Variants in MYO3B observed in about 807,000 individuals in gnomAD.
The protein encoded by MYO3B is myosin-IIIb.
Under a neutral mutation model 174.6 loss-of-function variants are expected in MYO3B, and 156 were observed. That is an observed-to-expected ratio of 0.89 (90% CI 0.78 to 1.02). The LOEUF (loss-of-function observed/expected upper bound fraction) is 1.02. MYO3B is among the 50% of genes least tolerant of loss of function. MYO3B has a pLI of 0.00. For missense variants in MYO3B, 1,632 were observed against 1,639.4 expected (o/e 1.00, Z 0.08); for synonymous variants, 563 against 569.1 (o/e 0.99, Z 0.15).
intron 32 of MYO3B, among the ~76,000 whole-genome samples, chr2:170,599,515 G>A (rs765511672): frequency 2.0e-5 from 3 of 152,222 alleles, no homozygotes; most frequent in Non-Finnish European, 4.4e-5. Flanking sequence ...GGGAGGCCAA[G>A]GCAGGCGGAT....
At chr2:170,353,057 A>G (rs1297352524) in intron 8 of MYO3B, among the ~76,000 whole-genome samples, 7 of 152,226 alleles carry the variant, frequency 4.6e-5, no homozygotes, top group Non-Finnish European at 8.8e-5. Flanking sequence ...CCTTTTTAAT[A>G]TTTACCTAAA....
At chr2:170,304,468 CTT>C (rs34449441) in intron 7 of MYO3B, among the ~76,000 whole-genome samples, 12 of 131,802 alleles carry the variant, frequency 9.1e-5, no homozygotes, top group Non-Finnish European at 1.2e-4. Flanking sequence ...TTTTCTTTTT[CTT>C]TTTTTTTTTT....
At chr2:170,544,043 C>A (rs745776327) in intron 32 of MYO3B, 55 bp downstream of exon 32, 2 of 1,385,692 alleles carry the variant, frequency 1.4e-6, no homozygotes, top group Non-Finnish European at 2.0e-6. Flanking sequence ...TGTTTGTGTA[C>A]TTTTTAGTGT....
At chr2:170,199,470 G>A in intron 2 of MYO3B, 79 bp downstream of exon 2, 1 of 1,156,294 alleles carries the variant, frequency 8.6e-7, no homozygotes, top group South Asian at 2.2e-5. Context: ...CTTGATTTTA[G>A]GTTTAATTTT....
chr2:170,315,064 AG>A (rs1169830283), intron 7 of MYO3B, among the ~76,000 whole-genome samples: 1 of 152,214 alleles, frequency 6.6e-6, no homozygotes, highest in Admixed American at 6.5e-5. Context: ...TTCAAATTAC[AG>A]GCATCCTGTT....
intron 8 of MYO3B, among the ~76,000 whole-genome samples, chr2:170,365,148 G>T (rs749473995): frequency 6.6e-6 from 1 of 152,122 alleles, no homozygotes; most frequent in Non-Finnish European, 1.5e-5. Context: ...TTCGTACGTT[G>T]TACCTTTGTC....
intron 32 of MYO3B, among the ~76,000 whole-genome samples, chr2:170,627,992 G>A (rs540126105): frequency 2.0e-5 from 3 of 152,304 alleles, no homozygotes; most frequent in East Asian, 3.9e-4. Context: ...GGCTACTCGG[G>A]GGTCAGGGAC....
intron 7 of MYO3B, among the ~76,000 whole-genome samples, chr2:170,284,152 GA>G (rs1229927500): frequency 1.3e-5 from 2 of 152,170 alleles, no homozygotes; most frequent in African/African-American, 4.8e-5. Flanking sequence ...CTGGGGGGAA[GA>G]AACTGAAAGA....
chr2:170,550,543 A>G (rs184322315), intron 32 of MYO3B, among the ~76,000 whole-genome samples: 168 of 152,368 alleles, frequency 1.1e-3, no homozygotes, highest in African/African-American at 3.9e-3. Flanking sequence ...ACAACATTGA[A>G]TCAGAGAAAG....
At chr2:170,637,786 T>G (rs937763081) in intron 32 of MYO3B, among the ~76,000 whole-genome samples, 65 of 152,220 alleles carry the variant, frequency 4.3e-4, no homozygotes, top group African/African-American at 1.5e-3. Context: ...GTTTACTGGA[T>G]AGTTGGACCA....
intron 7 of MYO3B, among the ~76,000 whole-genome samples, chr2:170,329,554 T>A (rs1213265322): frequency 2.0e-5 from 3 of 147,100 alleles, no homozygotes; most frequent in African/African-American, 7.7e-5. Flanking sequence ...CTGATTTTTG[T>A]ATTTTTTTTT....
intron 32 of MYO3B, among the ~76,000 whole-genome samples, chr2:170,623,452 C>A (rs552041207): frequency 6.6e-6 from 1 of 152,226 alleles, no homozygotes; most frequent in South Asian, 2.1e-4. Flanking sequence ...TGTTTGAGTT[C>A]TTTGTCGATT....
chr2:170,440,769 A>G (rs1480078774), intron 22 of MYO3B, among the ~76,000 whole-genome samples: 1 of 150,654 alleles, frequency 6.6e-6, no homozygotes, highest in Admixed American at 6.6e-5. Flanking sequence ...CAACAGCAAC[A>G]ACAACAACAA....
At chr2:170,415,236 T>A (rs2094570610) in intron 22 of MYO3B, among the ~76,000 whole-genome samples, 1 of 152,246 alleles carries the variant, frequency 6.6e-6, no homozygotes, top group South Asian at 2.1e-4. Context: ...TTGCACTTAC[T>A]GTTCCCTATA....
chr2:170,481,582 T>A (rs892739891), intron 25 of MYO3B, among the ~76,000 whole-genome samples: 3 of 151,984 alleles, frequency 2.0e-5, no homozygotes, highest in Admixed American at 6.6e-5. Context: ...CAAAAAAAAA[T>A]TTAAAAATTT....
intron 24 of MYO3B, among the ~76,000 whole-genome samples, chr2:170,466,207 C>T (rs1418157879): frequency 2.0e-5 from 3 of 151,896 alleles, no homozygotes; most frequent in Admixed American, 6.6e-5. Context: ...GGAATACCAG[C>T]GACAAGCATT....
intron 24 of MYO3B, 39 bp downstream of exon 24, chr2:170,463,484 A>G (rs1684435467): frequency 2.5e-6 from 4 of 1,583,440 alleles, no homozygotes; most frequent in African/African-American, 1.3e-5. Context: ...CCTGCTTCCA[A>G]AAAGGACTGT....
In MYO3B at chr2:170,371,738, G is replaced by A. The variant is rs2094247108; in HGVS notation, c.971+2361G>A. ...TGAGGTGAGTATATAGATGATTGAG[G>A]CCTAATTACCCGCTCATCATTTTTC... On this transcript the variant is annotated intron_variant, in intron 9 of 34. Coordinates refer to ENST00000408978, the MANE Select transcript of MYO3B (RefSeq NM_138995.5). Among the ~76,000 whole-genome samples the A allele has an allele frequency of 2.0e-5, 3 of 151,258 alleles. No individual in the cohort carries two copies. The South Asian group carries it at 6.2e-4, about 31-fold the overall frequency.
At chr2:170,342,825 A>G (rs2093986224) in intron 8 of MYO3B, among the ~76,000 whole-genome samples, 1 of 152,112 alleles carries the variant, frequency 6.6e-6, no homozygotes, top group African/African-American at 2.4e-5. Flanking sequence ...TGAACCCCAG[A>G]AAACTTGTTC....
Sources: allele counts gnomAD v4.1 joint callset (sites outside exome capture counted in the v4.1 genomes callset), GRCh38; gene constraint gnomAD v4.1.1; transcripts MANE v1.5; gene names NCBI Gene and HGNC (gene_info 2026-07-23, HGNC 2026-07-21).